The following SYT16 variants were observed in gnomAD, a reference collection of about 807,000 sequenced individuals.
SYT16 encodes synaptotagmin-16.
SYT16 carries 42 observed loss-of-function variants against 61.4 expected under a neutral mutation model. The observed-to-expected ratio is 0.68, with a 90% confidence interval of 0.53 to 0.89. SYT16 has a LOEUF of 0.89. SYT16 is among the 40% of genes least tolerant of loss of function. SYT16 has a pLI of 0.00. For missense variants in SYT16, 804 were observed against 807.3 expected (o/e 1.00, Z 0.05); for synonymous variants, 314 against 302.3 (o/e 1.04, Z -0.40).
intron 1 of SYT16, among the ~76,000 whole-genome samples, chr14:61,928,869 T>C (rs943602861): frequency 2.6e-5 from 4 of 152,126 alleles, no homozygotes; most frequent in African/African-American, 9.7e-5. Flanking sequence ...TAAAAGCACG[T>C]CCCAAAGCAC....
At chr14:61,902,226 A>T (rs1402063815) in intron 1 of SYT16, among the ~76,000 whole-genome samples, 1 of 152,160 alleles carries the variant, frequency 6.6e-6, no homozygotes, top group African/African-American at 2.4e-5. Context: ...GAGCATATCA[A>T]GTGCTTTATA....
At chr14:61,878,401 C>T (rs980945705) in intron 1 of SYT16, among the ~76,000 whole-genome samples, 1 of 152,248 alleles carries the variant, frequency 6.6e-6, no homozygotes, top group Non-Finnish European at 1.5e-5. Context: ...GACTTGTTAT[C>T]AGGAGCATGA....
intron 2 of SYT16, among the ~76,000 whole-genome samples, chr14:61,994,949 A>G (rs1319829318): frequency 1.3e-5 from 2 of 152,190 alleles, no homozygotes; most frequent in South Asian, 2.1e-4. Flanking sequence ...ATTGCTATAC[A>G]AGATATTGGG....
Position 61,818,538 on chromosome 14 carries a change from C to A in SYT16, c.-325+5728C>A, listed in dbSNP as rs2045512951. Among the ~76,000 whole-genome samples, 7 of 151,956 alleles carry A rather than the reference C, an allele frequency of 4.6e-5. No individual in the cohort carries two copies. In the South Asian group the frequency reaches 1.5e-3, roughly 32 times the overall value. On this transcript the variant is annotated intron_variant, in intron 1 of 7. Coordinates refer to ENST00000683842, the MANE Select transcript of SYT16 (RefSeq NM_001367656.1). ...ACTAAAATTACAAAAATTAGCAGGGCGTGGTGGCACTCATCTGTAATCCCA... is the reference window on the plus strand; with the variant it reads ...ACTAAAATTACAAAAATTAGCAGGGAGTGGTGGCACTCATCTGTAATCCCA...
intron 1 of SYT16, among the ~76,000 whole-genome samples, chr14:61,958,398 A>G (rs1349581751): frequency 6.6e-6 from 1 of 151,360 alleles, no homozygotes; most frequent in Non-Finnish European, 1.5e-5. Context: ...CCTTTAATGT[A>G]CGTATTTATT....
chr14:61,986,626 G>A (rs778463311), intron 2 of SYT16, among the ~76,000 whole-genome samples: 1 of 151,718 alleles, frequency 6.6e-6, no homozygotes, highest in Non-Finnish European at 1.5e-5. Flanking sequence ...AACAGGCCCC[G>A]GTGTGTGATG....
At chr14:61,996,677 T>C (rs555721038) in intron 3 of SYT16, 135 bp downstream of exon 3, 24 of 1,089,878 alleles carry the variant, frequency 2.2e-5, no homozygotes, top group African/African-American at 3.2e-5. Context: ...TGGCTTCTGA[T>C]TGAGAGATAT....
At chr14:61,909,711 G>C (rs146521585) in intron 1 of SYT16, among the ~76,000 whole-genome samples, 1,596 of 152,266 alleles carry the variant, frequency 0.01, 8 homozygotes, top group Middle Eastern at 0.031. Flanking sequence ...ACCATTCAAC[G>C]TACCACACTA....
Position 62,102,762 on chromosome 14 carries a change from A to C in SYT16, c.*2055A>C, listed in dbSNP as rs1360672209. The C allele has an allele frequency of 2.6e-5, 4 of 152,020 alleles. No homozygotes were observed. Among genetic ancestry groups the C allele is most frequent in the African/African-American group, 9.7e-5 (4 of 41,396 alleles). 9.4% of individuals were successfully genotyped at this position (152,020 alleles called of 1,614,324 possible). A position where few individuals can be genotyped will look rare whatever the true frequency, so the allele number is the denominator to read the frequency against. ...GTATATATTGTACAGACAGCCCTGAATTTTTCCCTCTCATATTTTCCTGCT... is the reference window on the plus strand; with the variant it reads ...GTATATATTGTACAGACAGCCCTGACTTTTTCCCTCTCATATTTTCCTGCT... On this transcript the variant is annotated 3_prime_UTR_variant, in exon 8 of 8. Transcript: ENST00000683842.
At chr14:61,992,708 TG>T (rs2052602258) in intron 2 of SYT16, among the ~76,000 whole-genome samples, 1 of 151,914 alleles carries the variant, frequency 6.6e-6, no homozygotes. Context: ...TCCTATAGGG[TG>T]GGGCTTGGAA....
At chr14:61,979,788 C>T (rs1341806288) in intron 2 of SYT16, among the ~76,000 whole-genome samples, 7 of 151,972 alleles carry the variant, frequency 4.6e-5, no homozygotes, top group South Asian at 2.1e-4. Flanking sequence ...AGGCTGAGGC[C>T]GGAGAATCAC....
Position 62,081,027 on chromosome 14 carries a change from C to T in SYT16, c.1187C>T (p.Pro396Leu), listed in dbSNP as rs752532992. The T allele has an allele frequency of 6.2e-7, 1 of 1,613,358 alleles. No homozygotes were observed. The highest frequency in any genetic ancestry group is 8.5e-7 in the Non-Finnish European group (1 of 1,179,682). ...NSWQVHVVLL[P>L]GKKHRGRTNI... ...TGGCAAGTTCATGTAGTGCTGCTGC[C>T]TGGTAAGAAACACAGGGGCAGGACG... is the stretch of plus-strand genomic sequence containing the variant. Residue 396 changes from proline to leucine, a missense_variant, in exon 6 of 8, where the codon CCT becomes CTT. Transcript: ENST00000683842.
intron 2 of SYT16, among the ~76,000 whole-genome samples, chr14:61,992,515 T>C (rs79134634): frequency 0.017 from 2,596 of 152,252 alleles, 81 homozygotes; most frequent in African/African-American, 0.06. Flanking sequence ...CCCCTTCCAG[T>C]GTCCTTTTGT....
chr14:61,872,162 T>C (rs1481846541), intron 1 of SYT16, among the ~76,000 whole-genome samples: 1 of 152,206 alleles, frequency 6.6e-6, no homozygotes, highest in Non-Finnish European at 1.5e-5. Flanking sequence ...ATAGCATTGA[T>C]TGATGCATAA....
chr14:62,036,823 C>T (rs1056496925), intron 3 of SYT16, among the ~76,000 whole-genome samples: 1 of 152,126 alleles, frequency 6.6e-6, no homozygotes, highest in African/African-American at 2.4e-5. Context: ...ATGGGAGCTA[C>T]AATTCAAGAT....
At chr14:61,829,406 G>C in intron 1 of SYT16, among the ~76,000 whole-genome samples, 1 of 152,178 alleles carries the variant, frequency 6.6e-6, no homozygotes, top group Middle Eastern at 3.4e-3. Context: ...GGTTTCTCCT[G>C]TTTAAAGTTT....
downstream of SYT16, chr14:62,112,558 G>A (rs2057625760): frequency 1.3e-5 from 2 of 152,084 alleles, no homozygotes; most frequent in Non-Finnish European, 2.9e-5. Context: ...ATATGTACAT[G>A]TGTGAAAATT....
intron 1 of SYT16, among the ~76,000 whole-genome samples, chr14:61,848,350 A>G (rs2046505422): frequency 6.6e-6 from 1 of 152,142 alleles, no homozygotes; most frequent in Non-Finnish European, 1.5e-5. Flanking sequence ...TCTTGGATAA[A>G]ATCTGGAAGA....
At chr14:61,816,603 G>A (rs2045434694) in intron 1 of SYT16, among the ~76,000 whole-genome samples, 1 of 152,194 alleles carries the variant, frequency 6.6e-6, no homozygotes, top group Non-Finnish European at 1.5e-5. Flanking sequence ...GAACTGTTAT[G>A]TGAAAATTTT....
Sources: gnomAD v4.1 joint callset for allele counts (sites outside exome capture counted in the v4.1 genomes callset) on GRCh38, gnomAD v4.1.1 for gene constraint, MANE v1.5 for transcripts, NCBI Gene and HGNC (gene_info 2026-07-23, HGNC 2026-07-21) for gene names.